Variants in SCN1B observed in about 807,000 individuals in gnomAD.
SCN1B encodes sodium voltage-gated channel beta subunit 1.
SCN1B carries 11 observed loss-of-function variants against 25.7 expected under a neutral mutation model. That is an observed-to-expected ratio of 0.43 (90% CI 0.27 to 0.71). SCN1B has a LOEUF of 0.71. SCN1B is among the 30% of genes least tolerant of loss of function. The pLI, the probability that SCN1B is intolerant of heterozygous loss-of-function variation, is 0.21. For missense variants in SCN1B, 224 were observed against 291.5 expected (o/e 0.77, Z 1.69); for synonymous variants, 119 against 117.5 (o/e 1.01, Z -0.08).
At chr19:35,038,978 C>A in intron 3 of SCN1B, 139 bp from the exon 4 acceptor site, 1 of 1,010,896 alleles carries the variant, frequency 9.9e-7, no homozygotes, top group Non-Finnish European at 1.5e-6. Context: ...CTACCCAAGG[C>A]TGGGTATTAA....
Position 35,040,246 on chromosome 19 carries a change from C to G in SCN1B, c.*455C>G, listed in dbSNP as rs1396709507. The G allele has an allele frequency of 6.1e-6, 1 of 164,350 alleles. No homozygotes were observed. Among genetic ancestry groups the G allele is most frequent in the Non-Finnish European group, 1.3e-5 (1 of 74,500 alleles). 10.2% of individuals were successfully genotyped at this position (164,350 alleles called of 1,614,324 possible). A position where few individuals can be genotyped will look rare whatever the true frequency, so the allele number is the denominator to read the frequency against. On this transcript the variant is annotated 3_prime_UTR_variant, in exon 6 of 6. Coordinates refer to ENST00000262631, the MANE Select transcript of SCN1B (RefSeq NM_001037.5). ...GGGCAGGGGGTTCTGGGACCCACTCCGACTCCCCCTCCCCGGCATCATTTC... is the reference window on the plus strand; with the variant it reads ...GGGCAGGGGGTTCTGGGACCCACTCGGACTCCCCCTCCCCGGCATCATTTC...
rs72550249 is a variant in SCN1B at position 35,030,512 on chromosome 19, C to T, written c.-309C>T. 1 of 164,524 alleles carries T rather than the reference C, an allele frequency of 6.1e-6. No homozygotes were observed. Among genetic ancestry groups the T allele is most frequent in the Non-Finnish European group, 1.3e-5 (1 of 79,054 alleles). 10.2% of individuals were successfully genotyped at this position (164,524 alleles called of 1,614,324 possible). ...GGTCCGCGCCCGAGCGCGCCCGAGCCGGAGCGGGACCGGGGTCGGTGCACC... is the reference window on the plus strand; with the variant it reads ...GGTCCGCGCCCGAGCGCGCCCGAGCTGGAGCGGGACCGGGGTCGGTGCACC... On this transcript the variant is annotated 5_prime_UTR_variant, in exon 1 of 6. Coordinates refer to ENST00000262631, the MANE Select transcript of SCN1B (RefSeq NM_001037.5).
At chr19:35,033,832 T>C in intron 3 of SCN1B, 93 bp downstream of exon 3, 1 of 1,612,424 alleles carries the variant, frequency 6.2e-7, no homozygotes, top group Non-Finnish European at 8.5e-7. Context: ...AGGCTGGCTC[T>C]GTGCCTGGCC....
At chr19:35,033,857 A>G in intron 3 of SCN1B, 118 bp downstream of exon 3, 2 of 1,610,886 alleles carry the variant, frequency 1.2e-6, no homozygotes, top group Non-Finnish European at 1.7e-6. Flanking sequence ...AACCGCCCAC[A>G]GCAGCGGGCT....
intron 3 of SCN1B, chr19:35,038,915 G>A (rs2151748583): frequency 4.7e-6 from 3 of 637,764 alleles, no homozygotes; most frequent in Middle Eastern, 4.3e-4. Context: ...GAATGACACA[G>A]ATGTGGCCTC....
At position 35,033,368 on chromosome 19, in the gene SCN1B, G is replaced by A. The variant is rs1410467074; in HGVS notation, c.208-131G>A. The A allele has an allele frequency of 1.9e-6, 3 of 1,543,718 alleles. No homozygotes were observed. The African/African-American group carries it at 4.1e-5, about 21-fold the overall frequency. ...CCCCACCCCTGTGCCCTCCCTGCCT[G>A]AGGTCAAGGTGTCTGAGCCCATCTG... On this transcript the variant is annotated intron_variant, in intron 2 of 5. Transcript: ENST00000262631.
chr19:35,030,804 G>C lies in SCN1B; in HGVS notation c.-17G>C. 9.4e-7 allele frequency: 1 copy of C among 1,060,444 alleles called. No homozygotes were observed. The highest frequency in any genetic ancestry group is 1.2e-6 in the Non-Finnish European group (1 of 830,256). 65.7% of individuals were successfully genotyped at this position (1,060,444 alleles called of 1,614,324 possible). A position where few individuals can be genotyped will look rare whatever the true frequency, so the allele number is the denominator to read the frequency against. On this transcript the variant is annotated 5_prime_UTR_variant, in exon 1 of 6. Transcript: ENST00000262631. The stretch of plus-strand genomic sequence containing the variant: ...ACCGGCGGCCCGGGAGGGGGGCGCA[G>C]CACGCGCCGCGCAGCCATGGGGAGG...
chr19:35,037,831 C>T (rs1413738226), intron 3 of SCN1B: 1 of 150,838 alleles, frequency 6.6e-6, no homozygotes, highest in South Asian at 2.1e-4. Context: ...TAGTGGTGCA[C>T]ACTTGTAGTC....
Position 35,030,799 on chromosome 19 carries a change from G to C in SCN1B, c.-22G>C, listed in dbSNP as rs926245012. The C allele has an allele frequency of 9.7e-7, 1 of 1,036,028 alleles. No homozygotes were observed. The highest frequency in any genetic ancestry group is 1.2e-6 in the Non-Finnish European group (1 of 807,418). The allele number at this position is 1,036,028 out of a possible 1,614,324, so 64.2% of individuals were successfully genotyped here. ...TTAATACCGGCGGCCCGGGAGGGGG[G>C]CGCAGCACGCGCCGCGCAGCCATGG... On this transcript the variant is annotated 5_prime_UTR_variant, in exon 1 of 6. Transcript: ENST00000262631.
chr19:35,033,459 G>C (rs2064226969), intron 2 of SCN1B, 40 bp from the exon 3 acceptor site: 1 of 1,612,022 alleles, frequency 6.2e-7, no homozygotes, highest in South Asian at 1.1e-5. Context: ...GGGAAGAGAG[G>C]CCCAGGCAGT....
Sources: allele counts gnomAD v4.1 joint callset, GRCh38; gene constraint gnomAD v4.1.1; transcripts MANE v1.5; gene names NCBI Gene and HGNC (gene_info 2026-07-23, HGNC 2026-07-21).